Variants in COL22A1 observed in about 807,000 individuals in gnomAD.
The protein encoded by COL22A1 is collagen type XXII alpha 1 chain.
In COL22A1, 221 loss-of-function variants were observed where a neutral mutation model predicts 248.9. That is an observed-to-expected ratio of 0.89 (90% confidence interval 0.80 to 0.99). COL22A1 has a LOEUF of 0.99. Among genes scored for constraint, COL22A1 ranks in the 50% least tolerant of loss-of-function variants. The pLI is 0.00. For synonymous variants in COL22A1, 891 were observed against 793.4 expected (o/e 1.12, Z -2.07); for missense variants, 2,240 against 2,179.0 (o/e 1.03, Z -0.56).
chr8:138,793,870 C>T (rs773920833), intron 12 of COL22A1, among the ~76,000 whole-genome samples: 17 of 152,166 alleles, frequency 1.1e-4, no homozygotes, highest in Admixed American at 2.6e-4. Flanking sequence ...CAGGAACACA[C>T]GCGAAGGACA....
chr8:138,737,133 C>T (rs1164416790), intron 23 of COL22A1, among the ~76,000 whole-genome samples: 1 of 152,198 alleles, frequency 6.6e-6, no homozygotes, highest in Non-Finnish European at 1.5e-5. Context: ...AGGGAAGGCC[C>T]TCCCTCCGCT....
chr8:138,780,445 T>C (rs1814860615), intron 13 of COL22A1, among the ~76,000 whole-genome samples: 1 of 152,158 alleles, frequency 6.6e-6, no homozygotes, highest in South Asian at 2.1e-4. Context: ...GAAGCTGAGA[T>C]CACTTTGAGC....
chr8:138,796,104 C>T (rs1156991111), intron 12 of COL22A1, among the ~76,000 whole-genome samples: 3 of 152,030 alleles, frequency 2.0e-5, no homozygotes, highest in South Asian at 2.1e-4. Flanking sequence ...TTAAATAGCT[C>T]GTATGAGTAG....
chr8:138,746,107 C>T (rs1832084350), intron 22 of COL22A1, among the ~76,000 whole-genome samples: 1 of 152,208 alleles, frequency 6.6e-6, no homozygotes, highest in African/African-American at 2.4e-5. Context: ...TGGAAAAATA[C>T]CAGCTTTGTC....
intron 1 of COL22A1, among the ~76,000 whole-genome samples, chr8:138,897,124 A>G (rs756065975): frequency 6.6e-6 from 1 of 152,222 alleles, no homozygotes; most frequent in Non-Finnish European, 1.5e-5. Context: ...ATGAGGCTAA[A>G]TCATTCATTT....
intron 7 of COL22A1, 64 bp from the exon 8 acceptor site, chr8:138,813,083 G>T: frequency 2.4e-6 from 3 of 1,256,450 alleles, no homozygotes; most frequent in Non-Finnish European, 3.5e-6. Context: ...AACCTCCGTG[G>T]TTTCACACAG....
At position 138,877,973 on chromosome 8, in the gene COL22A1, C is replaced by G. The variant is rs1286896664; in HGVS notation, c.435G>C (p.Val145=). 3.1e-6 allele frequency: 5 copies of G among 1,591,872 alleles called. No homozygotes were observed. Among genetic ancestry groups the G allele is most frequent in the Non-Finnish European group, 4.3e-6 (5 of 1,169,282 alleles). ...GRPRDRAYKQ[V]AILLTDGRSQ... ...TGCGGCCGTCGGTGAGCAGGATGGC[C>G]ACCTGCTTGTAGGCGCGGTCCCTGG... Residue 145 remains valine (V), a synonymous_variant, in exon 3 of 65, where the codon GTG becomes GTC. Coordinates refer to ENST00000303045, the MANE Select transcript of COL22A1 (RefSeq NM_152888.3).
At chr8:138,712,235 C>A (rs748799337) in intron 30 of COL22A1, among the ~76,000 whole-genome samples, 1 of 152,212 alleles carries the variant, frequency 6.6e-6, no homozygotes, top group Non-Finnish European at 1.5e-5. Flanking sequence ...CAGGACCATA[C>A]TCCAGGCCAG....
At chr8:138,713,510 G>A (rs532157739) in intron 30 of COL22A1, among the ~76,000 whole-genome samples, 7 of 152,356 alleles carry the variant, frequency 4.6e-5, no homozygotes, top group African/African-American at 1.4e-4. Context: ...CTCTGCTTTA[G>A]CAAAGGATCT....
intron 22 of COL22A1, among the ~76,000 whole-genome samples, chr8:138,743,975 G>GT (rs1433649998): frequency 1.3e-5 from 2 of 152,148 alleles, no homozygotes; most frequent in African/African-American, 4.8e-5. Context: ...GTGCCGTATG[G>GT]TCTTCTGCTC....
chr8:138,685,660 CAAGA>C (rs1172693523), intron 37 of COL22A1, among the ~76,000 whole-genome samples: 7 of 152,046 alleles, frequency 4.6e-5, no homozygotes, highest in African/African-American at 1.4e-4. Flanking sequence ...TGCATAGAGG[CAAGA>C]GGACACAAAT....
intron 31 of COL22A1, among the ~76,000 whole-genome samples, chr8:138,700,850 T>C (rs1280885026): frequency 2.0e-5 from 3 of 152,094 alleles, no homozygotes; most frequent in Non-Finnish European, 2.9e-5. Context: ...CTAGGCGTGA[T>C]GCCGGGTGCC....
At chr8:138,607,861 C>A in intron 57 of COL22A1, 75 bp downstream of exon 57, 3 of 1,381,800 alleles carry the variant, frequency 2.2e-6, no homozygotes, top group South Asian at 2.4e-5. Context: ...AGAGGCTGGA[C>A]AATCTGTAAT....
chr8:138,699,824 CTG>C (rs1827806833), intron 32 of COL22A1, among the ~76,000 whole-genome samples: 1 of 152,256 alleles, frequency 6.6e-6, no homozygotes, highest in Non-Finnish European at 1.5e-5. Context: ...CAGCTACTCT[CTG>C]TGTTACTGAA....
At chr8:138,730,202 G>C (rs558537008) in intron 23 of COL22A1, among the ~76,000 whole-genome samples, 2 of 152,232 alleles carry the variant, frequency 1.3e-5, no homozygotes, top group Non-Finnish European at 2.9e-5. Context: ...CAGGGTCTGG[G>C]AAGATTCACA....
At chr8:138,611,024 C>A (rs1587668280) in intron 56 of COL22A1, among the ~76,000 whole-genome samples, 1 of 152,178 alleles carries the variant, frequency 6.6e-6, no homozygotes, top group South Asian at 2.1e-4. Context: ...CGTGATCATG[C>A]CACTGAAGTC....
rs569073650 is a variant in COL22A1 at position 138,819,399 on chromosome 8, G to A, written c.1245+1737C>T. On this transcript the variant is annotated intron_variant, in intron 7 of 64. Transcript: ENST00000303045. ...TGGCCTAGCATCACCAAAGGGGGAC[G>A]TGGGAACCATCAGTAAACATAGGGA... Among the ~76,000 whole-genome samples the A allele has an allele frequency of 2.0e-5, 3 of 152,030 alleles. No homozygotes were observed. The South Asian group carries it at 6.2e-4, about 32-fold the overall frequency.
At chr8:138,629,176 A>G (rs10088864) in intron 50 of COL22A1, among the ~76,000 whole-genome samples, 124,495 of 151,712 alleles carry the variant, frequency 0.82, 52,361 homozygotes, top group Middle Eastern at 0.93. Flanking sequence ...AATCATTTGC[A>G]TATGGAGTCT....
intron 30 of COL22A1, among the ~76,000 whole-genome samples, chr8:138,715,462 G>A (rs1404024161): frequency 6.7e-6 from 1 of 150,248 alleles, no homozygotes; most frequent in Non-Finnish European, 1.5e-5. Context: ...CCAGCTACTT[G>A]AGAAGCTGAG....
Sources: gnomAD v4.1 joint callset for allele counts (sites outside exome capture counted in the v4.1 genomes callset) on GRCh38, gnomAD v4.1.1 for gene constraint, MANE v1.5 for transcripts, NCBI Gene and HGNC (gene_info 2026-07-23, HGNC 2026-07-21) for gene names.